PRICKLE2: variants seen among roughly 807,000 people sequenced by gnomAD.
PRICKLE2 encodes prickle-like protein 2.
A neutral mutation model predicts 81.4 loss-of-function variants in PRICKLE2; 21 were observed. The ratio of observed to expected loss-of-function variants is 0.26; its 90% CI spans 0.18 to 0.37. PRICKLE2 has a LOEUF of 0.37. Ranked by LOEUF, PRICKLE2 falls within the 10% of genes least tolerant of loss-of-function variation. The probability of loss-of-function intolerance (pLI) is 1.00; values close to 1 mark genes in which losing one functional copy is unlikely to be tolerated. For synonymous variants in PRICKLE2, 456 were observed against 421.5 expected, an observed-to-expected ratio of 1.08 and a Z score of -1.00; for missense variants, 940 against 1,109.0, an observed-to-expected ratio of 0.85 and a Z score of 2.16.
chr3:64,108,959 C>T (rs905626477), intron 7 of PRICKLE2, among the ~76,000 whole-genome samples: 3 of 152,078 alleles, frequency 2.0e-5, no homozygotes, highest in Non-Finnish European at 4.4e-5. Context: ...TTGTGACAGC[C>T]CCGAAATGTC....
chr3:64,213,433 T>TA lies in PRICKLE2; in HGVS notation c.-41+11476dup, dbSNP rs2078824057. On this transcript the variant is annotated intron_variant, in intron 1 of 7. Transcript: ENST00000638394. ...AAGGCAGACAGGTTAGACAGTAAATTAATGACCTGTCGGATGAATCAAGGA... is the reference window on the plus strand; with the variant it reads ...AAGGCAGACAGGTTAGACAGTAAATTAAATGACCTGTCGGATGAATCAAGGA... 2.0e-5 allele frequency among the ~76,000 whole-genome samples: 3 copies of TA among 152,224 alleles called. No individual in the cohort carries two copies. The South Asian group carries it at 6.2e-4, about 31-fold the overall frequency.
intron 7 of PRICKLE2, among the ~76,000 whole-genome samples, chr3:64,127,236 A>G (rs943640128): frequency 6.6e-6 from 1 of 152,202 alleles, no homozygotes; most frequent in African/African-American, 2.4e-5. Context: ...GCCTTACCCA[A>G]TAAGATAATG....
intron 2 of PRICKLE2, among the ~76,000 whole-genome samples, chr3:64,245,061 T>A (rs1053393566): frequency 7.2e-5 from 11 of 152,208 alleles, no homozygotes; most frequent in Admixed American, 7.2e-4. Flanking sequence ...GGTAAATTAT[T>A]ACTAATAAGA....
chr3:64,099,180 T>C lies in PRICKLE2; in HGVS notation c.2406A>G (p.Arg802=), dbSNP rs1428966843. ...GEPIPQPARL[R]YVTSDELLHK... ...GCAGCAGCTCATCGCTTGTGACGTA[T>C]CGCAGGCGCGCTGGCTGGGGGATGG... The change falls in exon 8 of 8, where the codon CGA becomes CGG. Residue 802 remains arginine (R), a synonymous_variant. Coordinates refer to ENST00000638394, the MANE Select transcript of PRICKLE2 (RefSeq NM_198859.4). This position sits in a 1 kb window ranked among gnomAD's most constrained non-coding sequence, Gnocchi z 4.3. 1.9e-6 allele frequency: 3 copies of C among 1,614,112 alleles called. No homozygotes were observed. In the Admixed American group the frequency reaches 5.0e-5, roughly 27 times the overall value.
intron 1 of PRICKLE2, among the ~76,000 whole-genome samples, chr3:64,220,620 G>A (rs696231): frequency 0.11 from 17,435 of 152,124 alleles, 1,280 homozygotes; most frequent in East Asian, 0.39. Context: ...GAGAACCCCC[G>A]ACTATTGCTT....
chr3:64,099,787 C>A lies in PRICKLE2; in HGVS notation c.1799G>T (p.Arg600Leu), dbSNP rs760504370. The A allele has an allele frequency of 6.2e-7, 1 of 1,614,204 alleles. No homozygotes were observed. Among genetic ancestry groups the A allele is most frequent in the Non-Finnish European group, 8.5e-7 (1 of 1,180,018 alleles). ...MGTLNSSMQF[R>L]SAESVRSLLS... The stretch of plus-strand genomic sequence containing the variant: ...CAGGCTGCGAACTGACTCTGCGCTC[C>A]GGAACTGCATGGACGAGTTAAGAGT... Residue 600 changes from arginine to leucine, a missense_variant, in exon 8 of 8, where the codon CGG becomes CTG. By Grantham distance (102) the Arg-to-Leu change is moderately radical. Transcript: ENST00000638394. This position sits in a 1 kb window ranked among gnomAD's most constrained non-coding sequence, Gnocchi z 4.3.
chr3:64,224,471 G>C (rs2079002473), intron 1 of PRICKLE2, among the ~76,000 whole-genome samples: 1 of 152,270 alleles, frequency 6.6e-6, no homozygotes, highest in Non-Finnish European at 1.5e-5. Context: ...TAAATAATTT[G>C]AAAGCCATTT....
chr3:64,207,198 C>T (rs1337452969), intron 1 of PRICKLE2, among the ~76,000 whole-genome samples: 1 of 152,212 alleles, frequency 6.6e-6, no homozygotes, highest in East Asian at 1.9e-4. Flanking sequence ...CTGTGCCCAG[C>T]TCTCTTTTCA....
chr3:64,219,551 A>G (rs762309996), intron 1 of PRICKLE2, among the ~76,000 whole-genome samples: 11 of 152,304 alleles, frequency 7.2e-5, no homozygotes, highest in Admixed American at 4.6e-4. Flanking sequence ...TCACACTTTC[A>G]TTCCAAAAGC....
chr3:64,253,414 G>C lies in PRICKLE2; in HGVS notation c.129-54447C>G, dbSNP rs183006563. Among the ~76,000 whole-genome samples, 17 of 152,174 alleles carry C rather than the reference G, an allele frequency of 1.1e-4. No homozygotes were observed. The Middle Eastern group carries it at 0.014, about 122-fold the overall frequency. ...GCTGTTCAGACACCTACCTCTGCCGGTCACCCTACCCACTTCCCCAGTTAC... is the reference window on the plus strand; with the variant it reads ...GCTGTTCAGACACCTACCTCTGCCGCTCACCCTACCCACTTCCCCAGTTAC... On this transcript the variant is annotated intron_variant, in intron 2 of 8. Coordinates refer to the PRICKLE2 transcript ENST00000295902.
At chr3:64,106,112 A>C (rs1421753477) in intron 7 of PRICKLE2, 1 of 152,140 alleles carries the variant, frequency 6.6e-6, no homozygotes, top group Non-Finnish European at 1.5e-5. Context: ...GTAAGGCCTA[A>C]AATTCCCCAA....
chr3:64,225,550 C>T, upstream of PRICKLE2: 1 of 618,436 alleles, frequency 1.6e-6, no homozygotes, highest in Non-Finnish European at 2.0e-6. Flanking sequence ...CTGCCCAGTG[C>T]TGAGATTTAT....
intron 5 of PRICKLE2, chr3:64,154,894 A>T (rs2077605053): frequency 6.6e-6 from 1 of 152,148 alleles, no homozygotes; most frequent in African/African-American, 2.4e-5. Flanking sequence ...CACACCTGTA[A>T]TCCCAGTGCT....
rs552900164 is a variant in PRICKLE2 at position 64,194,404 on chromosome 3, A to C, written c.144+4380T>G. On this transcript the variant is annotated intron_variant, in intron 2 of 7. Transcript: ENST00000638394. ...GCTGAGATGTCCTCCAGTTTTTAAC[A>C]TCACTTCCACCCAGTGATCCTCCTA... The C allele has an allele frequency of 3.3e-5, 5 of 152,360 alleles. No individual in the cohort carries two copies. In the South Asian group the frequency reaches 1.0e-3, roughly 32 times the overall value. 9.4% of individuals were successfully genotyped at this position (152,360 alleles called of 1,614,324 possible).
chr3:64,146,997 A>G lies in PRICKLE2; in HGVS notation c.1493T>C (p.Ile498Thr). 6.2e-7 allele frequency: 1 copy of G among 1,614,028 alleles called. No homozygotes were observed. ...TTCCTCCTCATATTTGGGGACTTGGATGCTGCCTCGGGTCTCACTGAAACT... is the reference window on the plus strand; with the variant it reads ...TTCCTCCTCATATTTGGGGACTTGGGTGCTGCCTCGGGTCTCACTGAAACT... ...SQSFSETRGS[I>T]QVPKYEEEEE... The change falls in exon 7 of 8, where the codon ATC (isoleucine) becomes ACC (threonine). Residue 498 changes from isoleucine to threonine, a missense_variant. This residue lies in a region of PRICKLE2 where 670 missense variants were observed against 717.2 expected (regional missense o/e 0.93). Transcript: ENST00000638394.
At chr3:64,119,861 G>A (rs1335371731) in intron 7 of PRICKLE2, among the ~76,000 whole-genome samples, 1 of 152,178 alleles carries the variant, frequency 6.6e-6, no homozygotes, top group African/African-American at 2.4e-5. Flanking sequence ...GTACACCATG[G>A]AATATGATGC....
chr3:64,167,023 G>A (rs1408962424), intron 2 of PRICKLE2, among the ~76,000 whole-genome samples: 1 of 152,092 alleles, frequency 6.6e-6, no homozygotes, highest in Non-Finnish European at 1.5e-5. Context: ...TTTTCCTCTG[G>A]CATTCTCCAC....
chr3:64,246,559 C>A (rs939929411), intron 2 of PRICKLE2, among the ~76,000 whole-genome samples: 1 of 152,210 alleles, frequency 6.6e-6, no homozygotes, highest in African/African-American at 2.4e-5. Context: ...GCAACAGAAT[C>A]ATCTGGAAGG....
intron 7 of PRICKLE2, among the ~76,000 whole-genome samples, chr3:64,121,795 T>G (rs549275228): frequency 6.6e-6 from 1 of 152,200 alleles, no homozygotes; most frequent in South Asian, 2.1e-4. Context: ...TGAAGTTCCA[T>G]GTGTTGTATA....
Sources: gnomAD v4.1 joint callset for allele counts (sites outside exome capture counted in the v4.1 genomes callset) on GRCh38, gnomAD v4.1.1 for gene constraint, gnomAD v4.1.1 regional missense constraint, Gnocchi (gnomAD v3.1) non-coding constraint, MANE v1.5 for transcripts, NCBI Gene and HGNC (gene_info 2026-07-23, HGNC 2026-07-21) for gene names.